Variants in AMMECR1 observed in about 807,000 individuals in gnomAD.
AMMECR1 encodes AMMECR nuclear protein 1.
A neutral mutation model predicts 22.5 loss-of-function variants in AMMECR1; 3 were observed. That is an observed-to-expected ratio of 0.13 (90% CI 0.06 to 0.35). AMMECR1 has a LOEUF of 0.35. Ranked by LOEUF, AMMECR1 falls within the 10% of genes least tolerant of loss-of-function variation. AMMECR1 has a pLI of 1.00. For missense variants in AMMECR1, 235 were observed against 278.7 expected (o/e 0.84, Z 1.12); for synonymous variants, 130 against 116.7 (o/e 1.11, Z -0.74).
intron 1 of AMMECR1, among the ~76,000 whole-genome samples, chrX:110,268,268 G>GT (rs1230769733): frequency 8.9e-6 from 1 of 111,959 alleles, no homozygotes; most frequent in East Asian, 2.8e-4. Flanking sequence ...TTGCGGGGAA[G>GT]TATCTGTGTC....
intron 1 of AMMECR1, among the ~76,000 whole-genome samples, chrX:110,436,089 G>T (rs997593044): frequency 8.9e-6 from 1 of 112,650 alleles, no homozygotes; most frequent in African/African-American, 3.2e-5. Context: ...ATGAAGAATC[G>T]CTGTGCGTTT....
At chrX:110,281,875 G>A (rs916936551) in intron 1 of AMMECR1, among the ~76,000 whole-genome samples, 5 of 112,369 alleles carry the variant, frequency 4.4e-5, no homozygotes, top group Non-Finnish European at 7.5e-5. Context: ...CCACTACAGC[G>A]TAAGCTCCAA....
intron 2 of AMMECR1, among the ~76,000 whole-genome samples, chrX:110,392,791 C>A (rs1027916585): frequency 1.8e-5 from 2 of 111,505 alleles, no homozygotes; most frequent in Admixed American, 9.5e-5. Flanking sequence ...TCATTTACAC[C>A]CTTTAGGCCT....
At chrX:110,278,208 C>A (rs2067835928) in intron 1 of AMMECR1, among the ~76,000 whole-genome samples, 1 of 111,756 alleles carries the variant, frequency 8.9e-6, no homozygotes, top group African/African-American at 3.3e-5. Flanking sequence ...ATGAAAATTT[C>A]TTTTATGATG....
At chrX:110,357,877 T>G (rs2068238585) in intron 2 of AMMECR1, among the ~76,000 whole-genome samples, 1 of 111,597 alleles carries the variant, frequency 9.0e-6, no homozygotes, top group South Asian at 3.8e-4. Context: ...ATCCTCCAAA[T>G]GCATGTTCCA....
chrX:110,294,135 C>T (rs2067922682), intron 1 of AMMECR1, among the ~76,000 whole-genome samples: 2 of 111,667 alleles, frequency 1.8e-5, no homozygotes, highest in Admixed American at 9.5e-5. Flanking sequence ...TAAAATAGTA[C>T]AGTGGATTTG....
At chrX:110,418,503 A>G (rs982995412) in intron 2 of AMMECR1, among the ~76,000 whole-genome samples, 1 of 111,998 alleles carries the variant, frequency 8.9e-6, no homozygotes, top group Non-Finnish European at 1.9e-5. Context: ...TCAGGGCCAA[A>G]TGAGTTTTTC....
intron 2 of AMMECR1, among the ~76,000 whole-genome samples, chrX:110,326,000 G>A (rs776436258): frequency 1.7e-4 from 19 of 109,653 alleles, no homozygotes; most frequent in Admixed American, 4.9e-4. Flanking sequence ...TTTTCTGTTT[G>A]TTTGTTTGAG....
chrX:110,418,567 C>T (rs760604513), intron 2 of AMMECR1, among the ~76,000 whole-genome samples: 15 of 111,542 alleles, frequency 1.3e-4, no homozygotes, highest in Non-Finnish European at 1.5e-4. Context: ...AAGCTTAAGG[C>T]CGGGTGGGGC....
intron 2 of AMMECR1, among the ~76,000 whole-genome samples, chrX:110,378,698 C>G (rs934243265): frequency 3.6e-5 from 4 of 112,025 alleles, no homozygotes; most frequent in African/African-American, 1.3e-4. Flanking sequence ...ACAGAGATCT[C>G]CGTTCATCAG....
At chrX:110,229,129 G>C (rs1030916541) in intron 2 of AMMECR1, among the ~76,000 whole-genome samples, 1 of 112,329 alleles carries the variant, frequency 8.9e-6, no homozygotes, top group Non-Finnish European at 1.9e-5. Context: ...AGTCTCATAC[G>C]TTAAGCAAAC....
chrX:110,258,566 T>C lies in AMMECR1; in HGVS notation c.584+5923A>G, dbSNP rs772663758. Among the ~76,000 whole-genome samples, 31 of 112,210 alleles carry C rather than the reference T, an allele frequency of 2.8e-4. 1 individual carries two copies. In the South Asian group the frequency reaches 0.011, roughly 39 times the overall value. ...GGTATAAGTTTTAGGACTCAGGCCA[T>C]CATCTCTTTTATAAAAAGGCAAAAA... On this transcript the variant is annotated intron_variant, in intron 2 of 5. Transcript: ENST00000262844.
chrX:110,377,880 G>A (rs1462733724), intron 2 of AMMECR1, among the ~76,000 whole-genome samples: 1 of 107,792 alleles, frequency 9.3e-6, no homozygotes, highest in East Asian at 2.9e-4. Context: ...GTGGTAGCGG[G>A]CCCCTGTAGT....
At chrX:110,334,301 T>G (rs192868503) in intron 2 of AMMECR1, among the ~76,000 whole-genome samples, 7 of 112,134 alleles carry the variant, frequency 6.2e-5, no homozygotes, top group East Asian at 2.8e-4. Context: ...TAATTTGGTG[T>G]TGTTGGTTAC....
At chrX:110,236,578 T>C (rs1011694320) in intron 2 of AMMECR1, among the ~76,000 whole-genome samples, 3 of 112,223 alleles carry the variant, frequency 2.7e-5, no homozygotes, top group African/African-American at 6.5e-5. Context: ...TCTATGAGTA[T>C]GGTGACTGTG....
At chrX:110,346,871 C>T in intron 2 of AMMECR1, 1 of 640,370 alleles carries the variant, frequency 1.6e-6, no homozygotes, top group Admixed American at 2.2e-5. Flanking sequence ...GCTGTTGAAC[C>T]ACTTTCTTCG....
At chrX:110,295,991 C>T (rs1020304705) in intron 1 of AMMECR1, among the ~76,000 whole-genome samples, 1 of 111,634 alleles carries the variant, frequency 9.0e-6, no homozygotes, top group Non-Finnish European at 1.9e-5. Context: ...TTTATGTTTA[C>T]CTATGTAGTT....
intron 2 of AMMECR1, among the ~76,000 whole-genome samples, chrX:110,382,788 G>A (rs1042036168): frequency 8.0e-5 from 9 of 111,829 alleles, no homozygotes; most frequent in African/African-American, 2.6e-4. Context: ...TTCCACTCAC[G>A]GGGCCACTGT....
chrX:110,435,194 G>T (rs1603009193), intron 1 of AMMECR1, among the ~76,000 whole-genome samples: 1 of 109,499 alleles, frequency 9.1e-6, no homozygotes, highest in East Asian at 2.9e-4. Context: ...GGAGGGAGGA[G>T]CTCTGTGCAC....
Sources: gnomAD v4.1 joint callset for allele counts (sites outside exome capture counted in the v4.1 genomes callset) on GRCh38, gnomAD v4.1.1 for gene constraint, MANE v1.5 for transcripts, NCBI Gene and HGNC (gene_info 2026-07-23, HGNC 2026-07-21) for gene names.